Variants in AFG3L2 observed in about 807,000 individuals in gnomAD.
AFG3L2 encodes the protein AFG3 like matrix AAA peptidase subunit 2.
AFG3L2 carries 54 observed loss-of-function variants against 94.5 expected under a neutral mutation model. The observed-to-expected ratio is 0.57, with a 90% confidence interval of 0.46 to 0.72. AFG3L2 has a LOEUF of 0.72. Ranked by LOEUF, AFG3L2 falls within the 30% of genes least tolerant of loss-of-function variation. The pLI, the probability that AFG3L2 is intolerant of heterozygous loss-of-function variation, is 0.00. For synonymous variants in AFG3L2, 377 were observed against 365.5 expected (o/e 1.03, Z -0.36); for missense variants, 754 against 994.9 (o/e 0.76, Z 3.26).
In AFG3L2 at chr18:12,358,849, G is replaced by A. The variant is rs763429903; in HGVS notation, c.847C>T (p.Arg283Ter). Residue 283 changes from arginine to a stop codon, truncating the protein, a stop_gained, in exon 8 of 17, where the codon CGA (arginine) becomes TGA (stop). Coordinates refer to ENST00000269143, the MANE Select transcript of AFG3L2 (RefSeq NM_006796.3). LOFTEE classifies it high-confidence loss of function. The stretch of plus-strand genomic sequence containing the variant: ...ACACTGAAGAGTCCGCCCATCCCTC[G>A]GCCTGTCCGGCCAATGCCAGCAGGC... ...RGPAGIGRTG[R>*]GMGGLFSVGE... 12 of 1,614,032 alleles carry A rather than the reference G, an allele frequency of 7.4e-6. No homozygotes were observed. Among genetic ancestry groups the A allele is most frequent in the African/African-American group, 1.3e-5 (1 of 74,898 alleles).
intron 16 of AFG3L2, among the ~76,000 whole-genome samples, chr18:12,330,093 G>A (rs1907471575): frequency 6.6e-6 from 1 of 152,234 alleles, no homozygotes; most frequent in Non-Finnish European, 1.5e-5. Flanking sequence ...CTAGCACTTT[G>A]GGAGGCCGAG....
At chr18:12,343,586 T>C (rs1908024359) in intron 14 of AFG3L2, 1 of 155,982 alleles carries the variant, frequency 6.4e-6, no homozygotes, top group African/African-American at 2.4e-5. Flanking sequence ...TTCTCTTTGG[T>C]CTCTGCTTAC....
intron 3 of AFG3L2, among the ~76,000 whole-genome samples, chr18:12,368,135 C>A (rs1159512131): frequency 6.6e-6 from 1 of 151,722 alleles, no homozygotes; most frequent in Non-Finnish European, 1.5e-5. Flanking sequence ...CCATTGCACT[C>A]CAGCCTGGGC....
intron 15 of AFG3L2, 69 bp downstream of exon 15, chr18:12,340,128 CCATT>C (rs1266808976): frequency 1.5e-6 from 2 of 1,335,914 alleles, no homozygotes; most frequent in East Asian, 2.3e-5. Flanking sequence ...TGTTTCAGAG[CCATT>C]CATAGAATGT....
chr18:12,337,707 C>T (rs1254854890), intron 15 of AFG3L2, among the ~76,000 whole-genome samples, 172 bp from the exon 16 acceptor site: 1 of 152,182 alleles, frequency 6.6e-6, no homozygotes, highest in Non-Finnish European at 1.5e-5. Flanking sequence ...GAGCCAGAAG[C>T]CCAGGCATAA....
intron 12 of AFG3L2, among the ~76,000 whole-genome samples, chr18:12,349,789 G>C (rs1301269528): frequency 6.6e-6 from 1 of 151,236 alleles, no homozygotes; most frequent in Non-Finnish European, 1.5e-5. Context: ...AGCCTCCCGA[G>C]TAGCTGGGAT....
In AFG3L2 at chr18:12,348,416, G is replaced by A. The variant is rs557472372; in HGVS notation, c.1553-33C>T. The A allele has an allele frequency of 9.5e-5, 147 of 1,549,736 alleles. 3 individuals are homozygous for A. The highest frequency in any genetic ancestry group is 7.8e-4 in the East Asian group (35 of 44,590). On this transcript the variant is annotated intron_variant, in intron 12 of 16. Transcript: ENST00000269143. Reference sequence around the variant, plus strand: ...ATGAACACAGAACAGCTTACCCACCGAAATACGCCCAAACTGATCAGTCAC... The same window carrying A: ...ATGAACACAGAACAGCTTACCCACCAAAATACGCCCAAACTGATCAGTCAC...
chr18:12,363,762 C>T lies in AFG3L2; in HGVS notation c.627+20G>A, dbSNP rs1009314933. 14 of 1,589,588 alleles carry T rather than the reference C, an allele frequency of 8.8e-6. No individual in the cohort carries two copies. The Admixed American group carries it at 1.7e-4, about 19-fold the overall frequency. On this transcript the variant is annotated intron_variant, in intron 6 of 16. Coordinates refer to ENST00000269143, the MANE Select transcript of AFG3L2 (RefSeq NM_006796.3). ...AAGTTAATTTACAACTAATTCACATCAATTAATAAAATGATTTACCCCATC... is the reference window on the plus strand; with the variant it reads ...AAGTTAATTTACAACTAATTCACATTAATTAATAAAATGATTTACCCCATC...
intron 9 of AFG3L2, among the ~76,000 whole-genome samples, chr18:12,355,194 A>G (rs1307186199): frequency 1.7e-4 from 21 of 124,492 alleles, no homozygotes; most frequent in African/African-American, 5.5e-4. Context: ...GCAAGACTCC[A>G]TCTCAAAAAA....
At chr18:12,344,011 A>C in intron 14 of AFG3L2, 121 bp downstream of exon 14, 1 of 847,352 alleles carries the variant, frequency 1.2e-6, no homozygotes, top group Non-Finnish European at 2.0e-6. Context: ...AAGTTACCAG[A>C]AGTTTTGGCT....
At chr18:12,359,046 A>G in intron 7 of AFG3L2, 103 bp from the exon 8 acceptor site, 3 of 1,495,080 alleles carry the variant, frequency 2.0e-6, no homozygotes, top group South Asian at 2.4e-5. Flanking sequence ...ACACCAAGGT[A>G]TACCTTCTGC....
At chr18:12,343,077 G>A (rs1908005969) in intron 14 of AFG3L2, 1 of 151,756 alleles carries the variant, frequency 6.6e-6, no homozygotes. Context: ...GAGAACTGAT[G>A]TAACACTCCA....
chr18:12,359,794 T>C lies in AFG3L2; in HGVS notation c.752+133A>G, dbSNP rs1908603904. On this transcript the variant is annotated intron_variant, in intron 7 of 16. Transcript: ENST00000269143. ...GCAAAAACTAGTGAGTTACTAATAG[T>C]TTTTTAAAAATCTGGCCAAACTGAT... 7 of 1,227,554 alleles carry C rather than the reference T, an allele frequency of 5.7e-6. No homozygotes were observed. The Admixed American group carries it at 1.4e-4, about 25-fold the overall frequency. 76.0% of individuals were successfully genotyped at this position (1,227,554 alleles called of 1,614,324 possible). A position where few individuals can be genotyped will look rare whatever the true frequency, so the allele number is the denominator to read the frequency against.
intron 15 of AFG3L2, among the ~76,000 whole-genome samples, chr18:12,338,890 T>C (rs1907840437): frequency 6.6e-6 from 1 of 151,760 alleles, no homozygotes; most frequent in African/African-American, 2.4e-5. Flanking sequence ...TTCAATGAGG[T>C]GCTAGAGAAA....
At chr18:12,343,849 G>A in intron 14 of AFG3L2, 1 of 503,572 alleles carries the variant, frequency 2.0e-6, no homozygotes, top group Non-Finnish European at 3.6e-6. Flanking sequence ...AAAGCCACAG[G>A]CTCCCAGTTC....
Position 12,353,154 on chromosome 18 carries a change from C to T in AFG3L2, c.1169G>A (p.Arg390Gln), listed in dbSNP as rs757002208. Residue 390 changes from arginine (R) to glutamine (Q), a missense_variant, in exon 10 of 17, where the codon CGA (arginine) becomes CAA (glutamine). By Grantham distance (43) the Arg-to-Gln change is conservative. This residue lies in a region of AFG3L2 where 109 missense variants were observed against 227.1 expected (regional missense o/e 0.48). Transcript: ENST00000269143. ...CTTCCGAGCAAGGGCAAATAAGTCT[C>T]GGACCTTGGCAAAAACAGAAAGAGA... ...MFVGVGPARV[R>Q]DLFALARKNA... 3.1e-6 allele frequency: 5 copies of T among 1,613,786 alleles called. No individual in the cohort carries two copies. Among genetic ancestry groups the T allele is most frequent in the East Asian group, 4.5e-5 (2 of 44,884 alleles).
At chr18:12,348,615 A>G (rs1217108500) in intron 12 of AFG3L2, among the ~76,000 whole-genome samples, 1 of 152,244 alleles carries the variant, frequency 6.6e-6, no homozygotes, top group East Asian at 1.9e-4. Context: ...ATTAGTAGTC[A>G]ATAGATAATT....
chr18:12,333,040 AATCTATTATATAATAGATTATAATCT>A (rs1453008644), intron 16 of AFG3L2, among the ~76,000 whole-genome samples: 2 of 44,638 alleles, frequency 4.5e-5, no homozygotes, highest in Non-Finnish European at 1.1e-4. Flanking sequence ...AAAAATATAT[AATCTATTATATAATAGATTATAATCT>A]ATTATATAAC....
At chr18:12,330,956 A>G (rs1287749122) in intron 16 of AFG3L2, among the ~76,000 whole-genome samples, 3 of 152,224 alleles carry the variant, frequency 2.0e-5, no homozygotes, top group Non-Finnish European at 4.4e-5. Flanking sequence ...ACTTGGGACC[A>G]TGCATTGGAC....
Sources: allele counts gnomAD v4.1 joint callset (sites outside exome capture counted in the v4.1 genomes callset), GRCh38; gene constraint gnomAD v4.1.1; regional missense constraint gnomAD v4.1.1; transcripts MANE v1.5; gene names NCBI Gene and HGNC (gene_info 2026-07-23, HGNC 2026-07-21).